The following FRAS1 variants were observed in gnomAD, a reference collection of about 807,000 sequenced individuals.
FRAS1 encodes the protein Fraser extracellular matrix complex subunit 1.
A neutral mutation model predicts 435.2 loss-of-function variants in FRAS1; 290 were observed. That is an observed-to-expected ratio of 0.67 (90% CI 0.61 to 0.73). The LOEUF is 0.73. Among genes scored for constraint, FRAS1 ranks in the 30% least tolerant of loss-of-function variants. FRAS1 has a pLI of 0.00. For synonymous variants in FRAS1, 1,800 were observed against 1,851.0 expected, an observed-to-expected ratio of 0.97 and a Z score of 0.71; for missense variants, 4,860 against 5,001.5, an observed-to-expected ratio of 0.97 and a Z score of 0.85.
intron 2 of FRAS1, among the ~76,000 whole-genome samples, chr4:78,124,477 G>T (rs1234157058): frequency 6.6e-6 from 1 of 152,198 alleles, no homozygotes; most frequent in East Asian, 1.9e-4. Context: ...TCAGGATGAT[G>T]CTGGCCTCAT....
intron 2 of FRAS1, among the ~76,000 whole-genome samples, chr4:78,117,578 A>T (rs1297626144): frequency 1.3e-5 from 2 of 151,760 alleles, no homozygotes; most frequent in Non-Finnish European, 2.9e-5. Flanking sequence ...CATTTCATTC[A>T]TTTGCTCTTC....
chr4:78,420,790 A>G (rs1008150328), intron 33 of FRAS1, among the ~76,000 whole-genome samples: 1 of 150,572 alleles, frequency 6.6e-6, no homozygotes, highest in Non-Finnish European at 1.5e-5. Context: ...TTGGTAAATT[A>G]CCTGGTCTAG....
intron 20 of FRAS1, among the ~76,000 whole-genome samples, chr4:78,338,420 G>C (rs762762292): frequency 6.6e-6 from 1 of 152,138 alleles, no homozygotes. Flanking sequence ...CCTACTAATG[G>C]TCAGATGCTC....
chr4:78,102,750 T>C lies in FRAS1; in HGVS notation c.108+36734T>C, dbSNP rs184563321. Among the ~76,000 whole-genome samples the C allele has an allele frequency of 3.6e-3, 554 of 152,242 alleles. 6 individuals are homozygous for C. Among genetic ancestry groups the C allele is most frequent in the Non-Finnish European group, 3.0e-3 (204 of 68,012 alleles). On this transcript the variant is annotated intron_variant, in intron 2 of 73. Transcript: ENST00000512123. Reference sequence around the variant, plus strand: ...TTCTCTCTGTCAGATATACCTAAATTTGTTGCACTGATCCCTGCTTCAGAT... The same window carrying C: ...TTCTCTCTGTCAGATATACCTAAATCTGTTGCACTGATCCCTGCTTCAGAT...
chr4:78,083,169 G>C (rs906941515), intron 2 of FRAS1, among the ~76,000 whole-genome samples: 4 of 152,074 alleles, frequency 2.6e-5, no homozygotes, highest in African/African-American at 9.7e-5. Context: ...TGCTGCAGGG[G>C]TATGGTGCTC....
At chr4:78,315,548 T>C (rs765815546) in intron 15 of FRAS1, 46 bp from the exon 16 acceptor site, 1 of 1,559,508 alleles carries the variant, frequency 6.4e-7, no homozygotes, top group African/African-American at 1.4e-5. Flanking sequence ...ACTGCTTCTT[T>C]TGCTCACTAT....
intron 72 of FRAS1, among the ~76,000 whole-genome samples, chr4:78,538,625 A>C (rs1347340873): frequency 6.6e-6 from 1 of 152,152 alleles, no homozygotes; most frequent in Non-Finnish European, 1.5e-5. Flanking sequence ...TAGGGGCAGC[A>C]AGAAGTGCCG....
At chr4:78,211,511 C>T (rs1159736399) in intron 2 of FRAS1, among the ~76,000 whole-genome samples, 1 of 152,134 alleles carries the variant, frequency 6.6e-6, no homozygotes, top group African/African-American at 2.4e-5. Flanking sequence ...ATGGGGAAAG[C>T]CATGTTGTGG....
intron 73 of FRAS1, among the ~76,000 whole-genome samples, chr4:78,539,927 C>T (rs1721997979): frequency 6.6e-6 from 1 of 152,226 alleles, no homozygotes; most frequent in African/African-American, 2.4e-5. Context: ...TAATCTATGA[C>T]CCTTCAGAAC....
intron 58 of FRAS1, among the ~76,000 whole-genome samples, chr4:78,487,069 C>G (rs1720193078): frequency 6.6e-6 from 1 of 152,122 alleles, no homozygotes; most frequent in South Asian, 2.1e-4. Context: ...AGCTTCCCTG[C>G]TTGTATTGCT....
At chr4:78,529,499 C>T (rs1203065162) in intron 70 of FRAS1, among the ~76,000 whole-genome samples, 2 of 152,114 alleles carry the variant, frequency 1.3e-5, no homozygotes, top group Non-Finnish European at 2.9e-5. Flanking sequence ...AGGGTCACCA[C>T]TAACCTGATA....
chr4:78,481,211 A>C (rs1229709610), intron 56 of FRAS1, among the ~76,000 whole-genome samples: 1 of 152,236 alleles, frequency 6.6e-6, no homozygotes, highest in East Asian at 1.9e-4. Flanking sequence ...AGGACACTAC[A>C]AAGCATGATG....
intron 2 of FRAS1, among the ~76,000 whole-genome samples, chr4:78,121,118 A>G (rs140181998): frequency 1.2e-4 from 18 of 152,266 alleles, no homozygotes; most frequent in Middle Eastern, 3.4e-3. Context: ...TCTTACTATC[A>G]AATTGGCCTT....
chr4:78,121,006 G>T (rs1048225093), intron 2 of FRAS1, among the ~76,000 whole-genome samples: 1 of 152,186 alleles, frequency 6.6e-6, no homozygotes, highest in African/African-American at 2.4e-5. Flanking sequence ...GAGAGCCAGA[G>T]ATCTTTAGGT....
intron 2 of FRAS1, among the ~76,000 whole-genome samples, chr4:78,202,576 A>C (rs1369815082): frequency 6.6e-6 from 1 of 152,192 alleles, no homozygotes; most frequent in Non-Finnish European, 1.5e-5. Flanking sequence ...TTCTAATCCC[A>C]GCTACTCGGG....
chr4:78,279,581 G>GTGACTGGA (rs1183631940), intron 10 of FRAS1, among the ~76,000 whole-genome samples: 3 of 152,162 alleles, frequency 2.0e-5, no homozygotes, highest in African/African-American at 7.2e-5. Context: ...GCAGGTAGCA[G>GTGACTGGA]TGACTGGATT....
Position 78,541,073 on chromosome 4 carries a change from G to A in FRAS1, c.11988G>A (p.Leu3996=), listed in dbSNP as rs765964720. Residue 3996 remains leucine, a synonymous_variant, in exon 74 of 74, where the codon CTG becomes CTA. Transcript: ENST00000512123. ...TCAAAGGTGCTAAAGTCAAAAGACT[G>A]AATCTAGAAGTCAGAGTTCACAACA... is the stretch of plus-strand genomic sequence containing the variant. ...YTFKGAKVKR[L]NLEVRVHNNL... is the part of the protein sequence containing the mutation. 2 of 1,403,508 alleles carry A rather than the reference G, an allele frequency of 1.4e-6. No homozygotes were observed. The highest frequency in any genetic ancestry group is 5.1e-5 in the Admixed American group (2 of 39,302). The allele number at this position is 1,403,508 out of a possible 1,614,324, so 86.9% of individuals were successfully genotyped here.
chr4:78,136,114 G>A (rs971429228), intron 2 of FRAS1, among the ~76,000 whole-genome samples: 2 of 152,178 alleles, frequency 1.3e-5, no homozygotes, highest in Admixed American at 1.3e-4. Context: ...TGTTTTTTCT[G>A]TAAGACATAT....
Position 78,445,699 on chromosome 4 carries a change from A to G in FRAS1, c.5843A>G (p.Asn1948Ser), listed in dbSNP as rs781508174. The G allele has an allele frequency of 1.2e-6, 2 of 1,613,998 alleles. No homozygotes were observed. The highest frequency in any genetic ancestry group is 1.7e-6 in the Non-Finnish European group (2 of 1,179,858). ...AGTCGTTCAGAAATTCACAGCATCA[A>G]TATCACCATTGAGGTAAAGACTTTG... Reference protein sequence around the residue: ...GTSRSEIHSINITIERKNDEP... With the variant: ...GTSRSEIHSISITIERKNDEP... Residue 1948 changes from asparagine (N) to serine (S), a missense_variant, in exon 42 of 74, where the codon AAT becomes AGT. By Grantham distance (46) the Asn-to-Ser change is conservative. Transcript: ENST00000512123.
Sources: gnomAD v4.1 joint callset for allele counts (sites outside exome capture counted in the v4.1 genomes callset) on GRCh38, gnomAD v4.1.1 for gene constraint, MANE v1.5 for transcripts, NCBI Gene and HGNC (gene_info 2026-07-23, HGNC 2026-07-21) for gene names.